The following FOXK1 variants were observed in gnomAD, a reference collection of about 807,000 sequenced individuals.
FOXK1 encodes the protein forkhead box protein K1.
Under a neutral mutation model 51.9 loss-of-function variants are expected in FOXK1, and 19 were observed. The observed-to-expected ratio is 0.37, with a 90% CI of 0.26 to 0.54. The LOEUF is 0.54. Ranked by LOEUF, FOXK1 falls within the 20% of genes least tolerant of loss-of-function variation. FOXK1 has a pLI of 0.87. For missense variants in FOXK1, 870 were observed against 1,032.7 expected (o/e 0.84, Z 2.16); for synonymous variants, 537 against 482.6 (o/e 1.11, Z -1.48).
intron 1 of FOXK1, among the ~76,000 whole-genome samples, chr7:4,717,188 T>TG (rs1780246078): frequency 7.1e-6 from 1 of 140,566 alleles, no homozygotes; most frequent in African/African-American, 2.7e-5. Context: ...GGTGCATGAC[T>TG]GGGAGGTGTG....
At position 4,735,962 on chromosome 7, in the gene FOXK1, T is replaced by C. The variant is rs1780547234; in HGVS notation, c.561-4876T>C. On this transcript the variant is annotated intron_variant, in intron 1 of 8. Transcript: ENST00000328914. This position sits in a 1 kb window ranked among gnomAD's most constrained non-coding sequence, Gnocchi z 4.7. ...TGAGGTCAGGAGTTCAAGACCAGCCTGGCCAACATGACCCCGTCTCTACTA... is the reference window on the plus strand; with the variant it reads ...TGAGGTCAGGAGTTCAAGACCAGCCCGGCCAACATGACCCCGTCTCTACTA... Among the ~76,000 whole-genome samples the C allele has an allele frequency of 6.6e-6, 1 of 152,186 alleles. No homozygotes were observed.
chr7:4,694,276 A>G (rs546790938), intron 1 of FOXK1, among the ~76,000 whole-genome samples: 30 of 152,096 alleles, frequency 2.0e-4, no homozygotes, highest in Non-Finnish European at 4.0e-4. Flanking sequence ...TTTACTTTGG[A>G]ACATTTACAT....
Position 4,765,414 on chromosome 7 carries a change from C to A in FOXK1, c.*2950C>A, listed in dbSNP as rs998756325. 1 of 152,284 alleles carries A rather than the reference C, an allele frequency of 6.6e-6. No homozygotes were observed. Among genetic ancestry groups the A allele is most frequent in the African/African-American group, 2.4e-5 (1 of 41,460 alleles). The allele number at this position is 152,284 out of a possible 1,614,324, so 9.4% of individuals were successfully genotyped here. A position where few individuals can be genotyped will look rare whatever the true frequency, so the allele number is the denominator to read the frequency against. ...CACAGGCCAGGGGGACCGGGAGAGC[C>A]TCAGCCCCCAGCCTGGGCGGCCTGT... On this transcript the variant is annotated 3_prime_UTR_variant, in exon 9 of 9. Coordinates refer to ENST00000328914, the MANE Select transcript of FOXK1 (RefSeq NM_001037165.2).
chr7:4,752,076 C>T (rs192443751), intron 2 of FOXK1, among the ~76,000 whole-genome samples: 1 of 152,390 alleles, frequency 6.6e-6, no homozygotes, highest in East Asian at 1.9e-4. Flanking sequence ...CCTCAGCCTC[C>T]TGAACAGCTG....
rs982119921 is a variant in FOXK1 at position 4,709,698 on chromosome 7, G to A, written c.560+26830G>A. On this transcript the variant is annotated intron_variant, in intron 1 of 8. Coordinates refer to ENST00000328914, the MANE Select transcript of FOXK1 (RefSeq NM_001037165.2). The surrounding 1 kb of genome is among the most constrained non-coding windows in gnomAD (Gnocchi z 5.6). ...CACATGATACAAAACGTCAAATTGC[G>A]TTTTACGCCATTGGTTTGGACCCTG... 5.3e-5 allele frequency among the ~76,000 whole-genome samples: 8 copies of A among 152,198 alleles called. No individual in the cohort carries two copies. Among genetic ancestry groups the A allele is most frequent in the African/African-American group, 1.9e-4 (8 of 41,452 alleles).
In FOXK1 at chr7:4,730,468, G is replaced by C. The variant is rs943012403; in HGVS notation, c.561-10370G>C. ...CTCTGGTTCCTGGAGGAGGGACGCA[G>C]GCCCAGTGGAGAGGGCGTGGTTTGC... is the stretch of plus-strand genomic sequence containing the variant. On this transcript the variant is annotated intron_variant, in intron 1 of 8. Transcript: ENST00000328914. The surrounding 1 kb of genome is among the most constrained non-coding windows in gnomAD (Gnocchi z 4.7). Among the ~76,000 whole-genome samples, 2 of 152,248 alleles carry C rather than the reference G, an allele frequency of 1.3e-5. No individual in the cohort carries two copies. Among genetic ancestry groups the C allele is most frequent in the African/African-American group, 4.8e-5 (2 of 41,464 alleles).
At chr7:4,746,457 A>C (rs1780703457) in intron 2 of FOXK1, among the ~76,000 whole-genome samples, 1 of 152,010 alleles carries the variant, frequency 6.6e-6, no homozygotes, top group Non-Finnish European at 1.5e-5. Flanking sequence ...AGGCAGGAGG[A>C]TTGCTTGAGG....
intron 1 of FOXK1, among the ~76,000 whole-genome samples, chr7:4,718,742 G>A (rs189292768): frequency 6.6e-6 from 1 of 152,312 alleles, no homozygotes; most frequent in East Asian, 1.9e-4. Flanking sequence ...CAGTGTCTCT[G>A]CAGCCTCACC....
rs1362759471 is a variant in FOXK1 at position 4,733,734 on chromosome 7, C to A, written c.561-7104C>A. ...TGCAGGTATCGCTCGTGAAAACCGG[C>A]CTGGCGTCTTCTGGCCCTTGCTCTT... On this transcript the variant is annotated intron_variant, in intron 1 of 8. Coordinates refer to ENST00000328914, the MANE Select transcript of FOXK1 (RefSeq NM_001037165.2). The surrounding 1 kb of genome is among the most constrained non-coding windows in gnomAD (Gnocchi z 5.0). Among the ~76,000 whole-genome samples the A allele has an allele frequency of 6.6e-6, 1 of 152,246 alleles. No individual in the cohort carries two copies. Among genetic ancestry groups the A allele is most frequent in the African/African-American group, 2.4e-5 (1 of 41,468 alleles).
chr7:4,714,106 G>A (rs116779784), intron 1 of FOXK1, among the ~76,000 whole-genome samples: 5 of 152,168 alleles, frequency 3.3e-5, no homozygotes, highest in African/African-American at 1.2e-4. Flanking sequence ...GATTACAGAT[G>A]TCAGCCACTG....
In FOXK1 at chr7:4,711,220, G is replaced by A. The variant is rs116238473; in HGVS notation, c.560+28352G>A. Among the ~76,000 whole-genome samples, 108 of 152,276 alleles carry A rather than the reference G, an allele frequency of 7.1e-4. 1 individual carries two copies. Among genetic ancestry groups the A allele is most frequent in the African/African-American group, 2.5e-3 (102 of 41,568 alleles). On this transcript the variant is annotated intron_variant, in intron 1 of 8. Transcript: ENST00000328914. The surrounding 1 kb of genome is among the most constrained non-coding windows in gnomAD (Gnocchi z 6.3). ...GCTCTGTTCAGGAAGCGTTGTGCTG[G>A]TGTGCCCTCCTGGGTCCCGACACCT...
At position 4,747,248 on chromosome 7, in the gene FOXK1, C is replaced by A. The variant is rs1020292563; in HGVS notation, c.746+6225C>A. On this transcript the variant is annotated intron_variant, in intron 2 of 8. Transcript: ENST00000328914. The surrounding 1 kb of genome is among the most constrained non-coding windows in gnomAD (Gnocchi z 9.2). ...GCATGGCTTCTGTGCGGGCATGTTA[C>A]GCACGAGGACAGCCCTTTCCGGGTT... Among the ~76,000 whole-genome samples, 1 of 151,960 alleles carries A rather than the reference C, an allele frequency of 6.6e-6. No homozygotes were observed. Among genetic ancestry groups the A allele is most frequent in the Non-Finnish European group, 1.5e-5 (1 of 67,944 alleles).
chr7:4,762,139 G>C lies in FOXK1; in HGVS notation c.1922-45G>C. The stretch of plus-strand genomic sequence containing the variant: ...TAGGGGACTTGAAAAAAGCAGCTGG[G>C]TCCTAACCAGACCCCAGAGTAACCC... On this transcript the variant is annotated intron_variant, in intron 8 of 8. Coordinates refer to ENST00000328914, the MANE Select transcript of FOXK1 (RefSeq NM_001037165.2). This position sits in a 1 kb window ranked among gnomAD's most constrained non-coding sequence, Gnocchi z 5.7. 6.6e-7 allele frequency: 1 copy of C among 1,521,704 alleles called. No homozygotes were observed. The highest frequency in any genetic ancestry group is 8.9e-7 in the Non-Finnish European group (1 of 1,128,122). 94.3% of individuals were successfully genotyped at this position (1,521,704 alleles called of 1,614,324 possible).
At chr7:4,686,436 GA>G (rs1779819980) in intron 1 of FOXK1, among the ~76,000 whole-genome samples, 1 of 151,804 alleles carries the variant, frequency 6.6e-6, no homozygotes, top group East Asian at 1.9e-4. Context: ...ATTGGTGGGG[GA>G]AAAAAAAGAC....
chr7:4,688,104 C>T (rs1241920939), intron 1 of FOXK1, among the ~76,000 whole-genome samples: 2 of 152,112 alleles, frequency 1.3e-5, no homozygotes, highest in Non-Finnish European at 2.9e-5. Context: ...TTCCACATGG[C>T]TGTGGCCGGC....
chr7:4,731,162 G>T lies in FOXK1; in HGVS notation c.561-9676G>T, dbSNP rs1314244306. Among the ~76,000 whole-genome samples, 1 of 152,244 alleles carries T rather than the reference G, an allele frequency of 6.6e-6. No homozygotes were observed. Among genetic ancestry groups the T allele is most frequent in the African/African-American group, 2.4e-5 (1 of 41,470 alleles). ...CCCTGCACAGAGAACTTGCTGGTAG[G>T]AGGTGGTGAGGGGCCTCCGAGGTGG... On this transcript the variant is annotated intron_variant, in intron 1 of 8. Coordinates refer to ENST00000328914, the MANE Select transcript of FOXK1 (RefSeq NM_001037165.2). This position sits in a 1 kb window ranked among gnomAD's most constrained non-coding sequence, Gnocchi z 5.3.
In FOXK1 at chr7:4,748,536, G is replaced by T. The variant is rs1780735111; in HGVS notation, c.747-5923G>T. 6.6e-6 allele frequency among the ~76,000 whole-genome samples: 1 copy of T among 152,086 alleles called. No homozygotes were observed. The highest frequency in any genetic ancestry group is 6.5e-5 in the Admixed American group (1 of 15,272). ...TTTACTGTGAAGGCCTTCCTCTGGG[G>T]CCCCTCTGACCATGGGATCATCTTC... is the stretch of plus-strand genomic sequence containing the variant. On this transcript the variant is annotated intron_variant, in intron 2 of 8. Coordinates refer to ENST00000328914, the MANE Select transcript of FOXK1 (RefSeq NM_001037165.2). This position sits in a 1 kb window ranked among gnomAD's most constrained non-coding sequence, Gnocchi z 4.9.
At chr7:4,687,753 G>A (rs1779839789) in intron 1 of FOXK1, among the ~76,000 whole-genome samples, 1 of 152,138 alleles carries the variant, frequency 6.6e-6, no homozygotes, top group Non-Finnish European at 1.5e-5. Context: ...TATAGTAAAT[G>A]TGGATGGCTT....
At chr7:4,696,433 G>A (rs888093848) in intron 1 of FOXK1, among the ~76,000 whole-genome samples, 5 of 152,120 alleles carry the variant, frequency 3.3e-5, no homozygotes, top group Admixed American at 6.6e-5. Flanking sequence ...AGGTGTGTGC[G>A]CGTGACATGT....
Sources: allele counts gnomAD v4.1 joint callset (sites outside exome capture counted in the v4.1 genomes callset), GRCh38; gene constraint gnomAD v4.1.1; non-coding constraint Gnocchi (gnomAD v3.1); transcripts MANE v1.5; gene names NCBI Gene and HGNC (gene_info 2026-07-23, HGNC 2026-07-21).